PIAS1: variants seen among roughly 807,000 people sequenced by gnomAD.
PIAS1 encodes the protein protein inhibitor of activated STAT 1.
A neutral mutation model predicts 71.3 loss-of-function variants in PIAS1; 6 were observed. The ratio of observed to expected loss-of-function variants is 0.08; its 90% CI spans 0.05 to 0.17. The LOEUF (loss-of-function observed/expected upper bound fraction) is 0.17, where lower values mean the gene tolerates loss of function less well. Ranked by LOEUF, PIAS1 falls within the 10% of genes least tolerant of loss-of-function variation. The pLI is 1.00. For synonymous variants in PIAS1, 303 were observed against 292.9 expected (o/e 1.03, Z -0.35); for missense variants, 555 against 793.6 (o/e 0.70, Z 3.61).
At chr15:68,102,967 G>T (rs1254603110) in intron 2 of PIAS1, among the ~76,000 whole-genome samples, 1 of 151,260 alleles carries the variant, frequency 6.6e-6, no homozygotes, top group African/African-American at 2.4e-5. Context: ...TCATTCTGTT[G>T]CCCAGGCTGG....
intron 1 of PIAS1, among the ~76,000 whole-genome samples, chr15:68,083,476 T>A (rs902917895): frequency 6.6e-6 from 1 of 152,212 alleles, no homozygotes; most frequent in Non-Finnish European, 1.5e-5. Flanking sequence ...ATCCACATTC[T>A]TTTCTTATCT....
intron 2 of PIAS1, among the ~76,000 whole-genome samples, chr15:68,115,033 A>G (rs897745775): frequency 1.3e-5 from 2 of 152,054 alleles, no homozygotes; most frequent in Non-Finnish European, 2.9e-5. Flanking sequence ...TGACCATTGT[A>G]AGTACCCTTA....
chr15:68,159,350 T>A (rs1403090011), intron 7 of PIAS1, among the ~76,000 whole-genome samples: 5 of 152,158 alleles, frequency 3.3e-5, no homozygotes, highest in Non-Finnish European at 5.9e-5. Flanking sequence ...CTCTTTCTTT[T>A]GAGAAAGTTT....
chr15:68,170,456 G>A (rs1199618628), intron 8 of PIAS1, among the ~76,000 whole-genome samples: 4 of 152,284 alleles, frequency 2.6e-5, no homozygotes, highest in South Asian at 2.1e-4. Context: ...TGGTACACCT[G>A]TATGGGGCAC....
rs1048330849 is a variant in PIAS1, at chr15:68,188,958, A to T, written c.*1123A>T. The T allele has an allele frequency of 3.9e-5, 6 of 152,200 alleles. No homozygotes were observed. Among genetic ancestry groups the T allele is most frequent in the African/African-American group, 1.4e-4 (6 of 41,454 alleles). 9.4% of individuals were successfully genotyped at this position (152,200 alleles called of 1,614,324 possible). Reference sequence around the variant, plus strand: ...AATTGTTTGGAAAGTACAATGCACCACATTTTTGTAGAAGTCTACTATTTG... The same window carrying T: ...AATTGTTTGGAAAGTACAATGCACCTCATTTTTGTAGAAGTCTACTATTTG... On this transcript the variant is annotated 3_prime_UTR_variant, in exon 14 of 14. Transcript: ENST00000249636.
At chr15:68,152,658 T>G (rs1299866498) in intron 6 of PIAS1, among the ~76,000 whole-genome samples, 1 of 152,204 alleles carries the variant, frequency 6.6e-6, no homozygotes, top group Non-Finnish European at 1.5e-5. Context: ...TTAAGAATGC[T>G]TTGAAAAATG....
At chr15:68,136,930 A>G (rs564121257) in intron 2 of PIAS1, among the ~76,000 whole-genome samples, 29 of 152,222 alleles carry the variant, frequency 1.9e-4, no homozygotes, top group Non-Finnish European at 4.1e-4. Context: ...AATTAGTTAA[A>G]TAGGAAATTC....
chr15:68,158,266 G>A lies in PIAS1; in HGVS notation c.934+4571G>A, dbSNP rs551155952. Among the ~76,000 whole-genome samples, 70 of 152,000 alleles carry A rather than the reference G, an allele frequency of 4.6e-4. 1 individual carries two copies. Among genetic ancestry groups the A allele is most frequent in the Middle Eastern group, 3.4e-3 (1 of 294 alleles). Reference sequence around the variant, plus strand: ...CACCTGCTTATTACTTTCCAGGGTCGCCTGTATTTACTCTTCTTTTCATAC... The same window carrying A: ...CACCTGCTTATTACTTTCCAGGGTCACCTGTATTTACTCTTCTTTTCATAC... On this transcript the variant is annotated intron_variant, in intron 7 of 13. Transcript: ENST00000249636.
chr15:68,109,349 A>G (rs73423759), intron 2 of PIAS1, among the ~76,000 whole-genome samples: 3,108 of 152,242 alleles, frequency 0.02, 95 homozygotes, highest in African/African-American at 0.069. Flanking sequence ...TACTATGTGT[A>G]TTATTTATTT....
At chr15:68,056,082 T>TA (rs995184930) in intron 1 of PIAS1, among the ~76,000 whole-genome samples, 9 of 152,082 alleles carry the variant, frequency 5.9e-5, no homozygotes, top group Admixed American at 2.6e-4. Context: ...ACCCTTGAAA[T>TA]AAAAAAAAGC....
chr15:68,131,183 T>A (rs1004248998), intron 2 of PIAS1, among the ~76,000 whole-genome samples: 4 of 152,144 alleles, frequency 2.6e-5, no homozygotes, highest in Non-Finnish European at 2.9e-5. Flanking sequence ...ATAATTTTTT[T>A]AAAAAGAAGT....
intron 11 of PIAS1, 91 bp from the exon 12 acceptor site, chr15:68,181,121 G>A (rs543219898): frequency 6.8e-6 from 7 of 1,034,432 alleles, no homozygotes; most frequent in South Asian, 5.6e-5. Context: ...GCACTAAACC[G>A]AGGGTTCATT....
At chr15:68,182,557 G>A (rs568935327) in intron 12 of PIAS1, among the ~76,000 whole-genome samples, 28 of 151,100 alleles carry the variant, frequency 1.9e-4, no homozygotes, top group Non-Finnish European at 3.5e-4. Flanking sequence ...GTGCAATGGC[G>A]CGACAGGCAT....
intron 13 of PIAS1, 58 bp downstream of exon 13, chr15:68,183,725 C>T: frequency 1.5e-6 from 1 of 686,324 alleles, no homozygotes. Flanking sequence ...CAGTCATGCG[C>T]CACATAATGA....
chr15:68,125,283 G>T (rs866293492), intron 2 of PIAS1, among the ~76,000 whole-genome samples: 9 of 151,932 alleles, frequency 5.9e-5, no homozygotes, highest in African/African-American at 2.2e-4. Flanking sequence ...TCAATTTCAT[G>T]TTCTATGAGA....
Position 68,093,632 on chromosome 15 carries a change from G to A in PIAS1, c.469+6882G>A, listed in dbSNP as rs1318032710. 5.3e-5 allele frequency among the ~76,000 whole-genome samples: 8 copies of A among 152,336 alleles called. No homozygotes were observed. The East Asian group carries it at 1.3e-3, about 26-fold the overall frequency. ...GGGAACAACATGGATCATAATTGTG[G>A]TTGAGTTTTAAAAGAAATCATTTAG... On this transcript the variant is annotated intron_variant, in intron 2 of 13. Coordinates refer to ENST00000249636, the MANE Select transcript of PIAS1 (RefSeq NM_016166.3).
intron 2 of PIAS1, among the ~76,000 whole-genome samples, chr15:68,125,990 C>G (rs181064499): frequency 6.6e-6 from 1 of 151,950 alleles, no homozygotes; most frequent in Non-Finnish European, 1.5e-5. Context: ...TGAGCCACTG[C>G]GCCCCAGACC....
intron 2 of PIAS1, among the ~76,000 whole-genome samples, chr15:68,109,262 C>G (rs2092501043): frequency 6.6e-6 from 1 of 152,138 alleles, no homozygotes; most frequent in African/African-American, 2.4e-5. Flanking sequence ...AGACACCTAC[C>G]CTGACTACCC....
At chr15:68,132,657 G>A (rs996427912) in intron 2 of PIAS1, among the ~76,000 whole-genome samples, 11 of 152,054 alleles carry the variant, frequency 7.2e-5, no homozygotes, top group Non-Finnish European at 1.5e-4. Flanking sequence ...GTTAAGGGAA[G>A]GTTTATCTGC....
Sources: allele counts gnomAD v4.1 joint callset (sites outside exome capture counted in the v4.1 genomes callset), GRCh38; gene constraint gnomAD v4.1.1; transcripts MANE v1.5; gene names NCBI Gene and HGNC (gene_info 2026-07-23, HGNC 2026-07-21).